The following ANO4 variants were observed in gnomAD, a reference collection of about 807,000 sequenced individuals.
ANO4 encodes anoctamin-4.
A neutral mutation model predicts 141.9 loss-of-function variants in ANO4; 69 were observed. The observed-to-expected ratio is 0.49, with a 90% confidence interval of 0.40 to 0.59. ANO4 has a LOEUF of 0.59. ANO4 is among the 20% of genes least tolerant of loss of function. ANO4 has a pLI of 0.00. For missense variants in ANO4, 894 were observed against 1,162.2 expected (o/e 0.77, Z 3.36); for synonymous variants, 350 against 394.3 (o/e 0.89, Z 1.33).
At chr12:101,050,645 T>C (rs1397684710) in intron 14 of ANO4, among the ~76,000 whole-genome samples, 1 of 152,252 alleles carries the variant, frequency 6.6e-6, no homozygotes, top group Non-Finnish European at 1.5e-5. Context: ...TTAATGTATA[T>C]AGTATTCTGT....
intron 14 of ANO4, among the ~76,000 whole-genome samples, chr12:101,076,933 G>A (rs1286286317): frequency 6.6e-6 from 1 of 152,166 alleles, no homozygotes; most frequent in Non-Finnish European, 1.5e-5. Context: ...GTGCAGCAAA[G>A]AGTTAACACA....
At chr12:100,888,727 C>T (rs7136944) in intron 1 of ANO4, among the ~76,000 whole-genome samples, 20,815 of 152,186 alleles carry the variant, frequency 0.14, 2,415 homozygotes, top group African/African-American at 0.31. Context: ...GCCCACAAAA[C>T]GTCACCAGCA....
At chr12:101,008,249 G>A (rs1251930826) in intron 8 of ANO4, among the ~76,000 whole-genome samples, 1 of 151,958 alleles carries the variant, frequency 6.6e-6, no homozygotes, top group Non-Finnish European at 1.5e-5. Context: ...GCCCTACAAG[G>A]TTTGTTTTGA....
At chr12:100,957,790 A>G (rs1388174049) in intron 5 of ANO4, among the ~76,000 whole-genome samples, 1 of 152,210 alleles carries the variant, frequency 6.6e-6, no homozygotes, top group Non-Finnish European at 1.5e-5. Context: ...AGAACTATGA[A>G]CTAAATGATA....
intron 1 of ANO4, among the ~76,000 whole-genome samples, chr12:100,822,542 C>G (rs937408208): frequency 6.6e-6 from 1 of 152,016 alleles, no homozygotes; most frequent in Non-Finnish European, 1.5e-5. Context: ...CACATACACA[C>G]ACGCACAGGG....
At chr12:101,063,763 T>TTTTTTTTTTTTTTTG in intron 14 of ANO4, among the ~76,000 whole-genome samples, 1 of 140,148 alleles carries the variant, frequency 7.1e-6, no homozygotes, top group Non-Finnish European at 1.5e-5. Flanking sequence ...TTTTTTTTTT[T>TTTTTTTTTTTTTTTG]TTTTTTTTTT....
chr12:100,919,739 T>C (rs2041538576), intron 2 of ANO4, among the ~76,000 whole-genome samples: 1 of 105,878 alleles, frequency 9.4e-6, no homozygotes, highest in African/African-American at 5.6e-5. Context: ...TATGTATGTA[T>C]CTATCTATCT....
intron 5 of ANO4, among the ~76,000 whole-genome samples, chr12:100,962,861 C>T (rs1294899139): frequency 2.6e-5 from 4 of 152,074 alleles, no homozygotes; most frequent in African/African-American, 7.2e-5. Context: ...TTGCAGTATT[C>T]AAGAAGAGAG....
At chr12:101,008,007 G>A (rs974741534) in intron 8 of ANO4, among the ~76,000 whole-genome samples, 17 of 152,160 alleles carry the variant, frequency 1.1e-4, no homozygotes, top group African/African-American at 4.1e-4. Flanking sequence ...TGGAACATCA[G>A]TATTTGTCAG....
rs551815116 is a variant in ANO4 at position 100,963,302 on chromosome 12, G to C, written c.457-8004G>C. ...AGGGAGGACAGGTAGAATGAGACTA[G>C]AGCCTGGATGAAGTCCTCAGGGACC... On this transcript the variant is annotated intron_variant, in intron 5 of 27. Coordinates refer to ENST00000392977, the MANE Select transcript of ANO4 (RefSeq NM_001286615.2). 3.3e-5 allele frequency among the ~76,000 whole-genome samples: 5 copies of C among 152,320 alleles called. No homozygotes were observed. The East Asian group carries it at 7.7e-4, about 24-fold the overall frequency.
At chr12:101,036,457 T>C (rs1002633548) in intron 9 of ANO4, among the ~76,000 whole-genome samples, 5 of 152,144 alleles carry the variant, frequency 3.3e-5, no homozygotes, top group South Asian at 2.1e-4. Context: ...AAGTGTCCCC[T>C]GATGGAAGAA....
At chr12:101,039,051 C>G (rs2047313015) in intron 10 of ANO4, 1 of 152,180 alleles carries the variant, frequency 6.6e-6, no homozygotes, top group Admixed American at 6.5e-5. Context: ...ACTTCTCTGG[C>G]CCTTTGTCTC....
chr12:100,854,234 T>G lies in ANO4; in HGVS notation c.-140-47412T>G, dbSNP rs529871452. Reference sequence around the variant, plus strand: ...CTTAGGAGATATTTTTTCATCGCTTTCTGTCATCTTCTGTAGCTGATGAAA... The same window carrying G: ...CTTAGGAGATATTTTTTCATCGCTTGCTGTCATCTTCTGTAGCTGATGAAA... On this transcript the variant is annotated intron_variant, in intron 1 of 27. Transcript: ENST00000392977. 3.0e-4 allele frequency among the ~76,000 whole-genome samples: 45 copies of G among 152,324 alleles called. No homozygotes were observed. In the South Asian group the frequency reaches 9.1e-3, roughly 31 times the overall value.
At chr12:100,801,287 TG>T (rs2034674097) in intron 1 of ANO4, among the ~76,000 whole-genome samples, 1 of 152,120 alleles carries the variant, frequency 6.6e-6, no homozygotes, top group African/African-American at 2.4e-5. Context: ...CTGCTCTATG[TG>T]GAGAGTTTAA....
intron 3 of ANO4, among the ~76,000 whole-genome samples, chr12:100,777,360 C>T (rs2033558517): frequency 7.7e-6 from 1 of 130,350 alleles, no homozygotes; most frequent in Admixed American, 9.6e-5. Context: ...CTCAGGTGAT[C>T]TGCCTGCCTT....
rs143663220 is a variant in ANO4 at position 100,863,305 on chromosome 12, T to C, written c.-140-38341T>C. On this transcript the variant is annotated intron_variant, in intron 1 of 27. Coordinates refer to ENST00000392977, the MANE Select transcript of ANO4 (RefSeq NM_001286615.2). The stretch of plus-strand genomic sequence containing the variant: ...GGGTGCCTTAAGAGGATCTGGCTGA[T>C]ACGGTAAGAACTGGTCACCAGAACA... Among the ~76,000 whole-genome samples the C allele has an allele frequency of 1.4e-4, 21 of 152,300 alleles. No homozygotes were observed. In the East Asian group the frequency reaches 1.5e-3, roughly 11 times the overall value.
At chr12:100,761,597 G>T (rs2175995) in intron 3 of ANO4, among the ~76,000 whole-genome samples, 2 of 151,966 alleles carry the variant, frequency 1.3e-5, no homozygotes, top group Non-Finnish European at 2.9e-5. Flanking sequence ...TTTATTGGCC[G>T]TGTAGGTACC....
chr12:100,940,948 C>T (rs929388896), intron 4 of ANO4, among the ~76,000 whole-genome samples: 1 of 152,098 alleles, frequency 6.6e-6, no homozygotes, highest in Non-Finnish European at 1.5e-5. Flanking sequence ...ATATTTGTAA[C>T]TTCTATGTAA....
chr12:100,965,206 C>T (rs139225174), intron 5 of ANO4, among the ~76,000 whole-genome samples: 10 of 152,238 alleles, frequency 6.6e-5, no homozygotes, highest in African/African-American at 2.4e-4. Flanking sequence ...AGAGTACTAC[C>T]ATCTGTCCAG....
Sources: gnomAD v4.1 joint callset for allele counts (sites outside exome capture counted in the v4.1 genomes callset) on GRCh38, gnomAD v4.1.1 for gene constraint, MANE v1.5 for transcripts, NCBI Gene and HGNC (gene_info 2026-07-23, HGNC 2026-07-21) for gene names.